UCN: variants seen among roughly 807,000 people sequenced by gnomAD.
UCN encodes prepro-urocortin.
Under a neutral mutation model 6.5 loss-of-function variants are expected in UCN, and 5 were observed. That is an observed-to-expected ratio of 0.77 (90% CI 0.40 to 1.62). UCN has a LOEUF of 1.62. Among genes scored for constraint, UCN ranks in the 40% most tolerant of loss-of-function variants. The pLI is 0.02. For synonymous variants in UCN, 95 were observed against 96.4 expected, an observed-to-expected ratio of 0.99 and a Z score of 0.09; for missense variants, 195 against 188.8, an observed-to-expected ratio of 1.03 and a Z score of -0.19.
In UCN at chr2:27,307,550, G is replaced by C. The variant is rs1468111917; in HGVS notation, c.346C>G (p.Arg116Gly). Residue 116 changes from arginine to glycine, a missense_variant, in exon 2 of 2, where the codon CGC becomes GGC. Transcript: ENST00000296099. The surrounding 1 kb of genome is among the most constrained non-coding windows in gnomAD (Gnocchi z 6.9). ...QSQRERAEQN[R>G]IIFDSVGK ...TTGCCCACCGAGTCGAATATGATGC[G>C]GTTCTGCTCGGCGCGCTCCCGCTGG... The C allele has an allele frequency of 6.2e-7, 1 of 1,612,888 alleles. No homozygotes were observed. Among genetic ancestry groups the C allele is most frequent in the Non-Finnish European group, 8.5e-7 (1 of 1,179,942 alleles).
Position 27,308,046 on chromosome 2 carries a change from G to T in UCN, c.-14+114C>A. The T allele has an allele frequency of 1.3e-6, 1 of 778,518 alleles. No homozygotes were observed. Among genetic ancestry groups the T allele is most frequent in the Non-Finnish European group, 1.8e-6 (1 of 554,078 alleles). The allele number at this position is 778,518 out of a possible 1,614,324, so 48.2% of individuals were successfully genotyped here. A position where few individuals can be genotyped will look rare whatever the true frequency, so the allele number is the denominator to read the frequency against. Reference sequence around the variant, plus strand: ...CCTGCCCTCCAGCCCCAGCCACTGCGCCAGTGCTGTTCCATCCCTTCCACC... The same window carrying T: ...CCTGCCCTCCAGCCCCAGCCACTGCTCCAGTGCTGTTCCATCCCTTCCACC... On this transcript the variant is annotated intron_variant, in intron 1 of 1. Transcript: ENST00000296099. The surrounding 1 kb of genome is among the most constrained non-coding windows in gnomAD (Gnocchi z 4.2).
chr2:27,307,561 G>C lies in UCN; in HGVS notation c.335C>G (p.Ala112Gly). ...GTCGAATATGATGCGGTTCTGCTCG[G>C]CGCGCTCCCGCTGGCTCTGCGTCCG... ...LARTQSQRER[A>G]EQNRIIFDSV... The change falls in exon 2 of 2, where the codon GCC (alanine) becomes GGC (glycine). Residue 112 changes from alanine (A) to glycine (G), a missense_variant. Physicochemically the swap from Ala to Gly is moderately conservative, Grantham distance 60 (BLOSUM62 0). Coordinates refer to ENST00000296099, the MANE Select transcript of UCN (RefSeq NM_003353.4). This position sits in a 1 kb window ranked among gnomAD's most constrained non-coding sequence, Gnocchi z 6.9. 1.2e-6 allele frequency: 2 copies of C among 1,612,762 alleles called. No homozygotes were observed. The highest frequency in any genetic ancestry group is 1.7e-6 in the Non-Finnish European group (2 of 1,179,870).
In UCN at chr2:27,308,092, G is replaced by A. The variant is rs1679293152; in HGVS notation, c.-14+68C>T. The stretch of plus-strand genomic sequence containing the variant: ...CCACCCAGCCTCCCTCCCCGGAGGA[G>A]CGTGGTGGCTGAGCTGAGCGGAGTC... On this transcript the variant is annotated intron_variant, in intron 1 of 1. Coordinates refer to ENST00000296099, the MANE Select transcript of UCN (RefSeq NM_003353.4). This position sits in a 1 kb window ranked among gnomAD's most constrained non-coding sequence, Gnocchi z 4.2. The A allele has an allele frequency of 1.9e-6, 1 of 522,520 alleles. No homozygotes were observed. The highest frequency in any genetic ancestry group is 2.0e-5 in the African/African-American group (1 of 49,350). 32.4% of individuals were successfully genotyped at this position (522,520 alleles called of 1,614,324 possible).
In UCN at chr2:27,307,614, G is replaced by A; in HGVS notation, c.282C>T (p.His94=). The A allele has an allele frequency of 6.2e-7, 1 of 1,612,646 alleles. No individual in the cohort carries two copies. The highest frequency in any genetic ancestry group is 8.5e-7 in the Non-Finnish European group (1 of 1,179,892). The change falls in exon 2 of 2, where the codon CAC becomes CAT. Residue 94 remains histidine (H), a synonymous_variant. Coordinates refer to ENST00000296099, the MANE Select transcript of UCN (RefSeq NM_003353.4). The surrounding 1 kb of genome is among the most constrained non-coding windows in gnomAD (Gnocchi z 6.9). ...CCAGCTCCAGCAGGGTCCGCAGCAG[G>A]TGAAAGGTGAGGTCAATGGACAGAG... ...NPSLSIDLTF[H]LLRTLLELAR...
chr2:27,308,442 C>A lies in UCN; in HGVS notation c.-296G>T, dbSNP rs959902549. 6.6e-6 allele frequency: 1 copy of A among 152,448 alleles called. No individual in the cohort carries two copies. The highest frequency in any genetic ancestry group is 1.5e-5 in the Non-Finnish European group (1 of 68,212). The allele number at this position is 152,448 out of a possible 1,614,324, so 9.4% of individuals were successfully genotyped here. On this transcript the variant is annotated 5_prime_UTR_variant, in exon 1 of 2. Coordinates refer to ENST00000296099, the MANE Select transcript of UCN (RefSeq NM_003353.4). The surrounding 1 kb of genome is among the most constrained non-coding windows in gnomAD (Gnocchi z 4.2). ...GGCTAGCGCTGGAAGCAGCACTGGA[C>A]GCAGGAAAGCGAGAAGCCGGCTGGG...
Position 27,307,983 on chromosome 2 carries a change from G to T in UCN, c.-13-75C>A. ...GGCCGCCGCTCCCCTCCCCGCGCTC[G>T]CCCGGCGACCCCTCCGGCCGCCGCC... is the stretch of plus-strand genomic sequence containing the variant. On this transcript the variant is annotated intron_variant, in intron 1 of 1. Coordinates refer to ENST00000296099, the MANE Select transcript of UCN (RefSeq NM_003353.4). This position sits in a 1 kb window ranked among gnomAD's most constrained non-coding sequence, Gnocchi z 6.9. 2 of 1,289,732 alleles carry T rather than the reference G, an allele frequency of 1.6e-6. No homozygotes were observed. The highest frequency in any genetic ancestry group is 3.1e-5 in the African/African-American group (2 of 63,920). The allele number at this position is 1,289,732 out of a possible 1,614,324, so 79.9% of individuals were successfully genotyped here. A position where few individuals can be genotyped will look rare whatever the true frequency, so the allele number is the denominator to read the frequency against.
Position 27,307,676 on chromosome 2 carries a change from C to G in UCN, c.220G>C (p.Gly74Arg). 6.3e-7 allele frequency: 1 copy of G among 1,599,908 alleles called. No homozygotes were observed. The highest frequency in any genetic ancestry group is 8.5e-7 in the Non-Finnish European group (1 of 1,174,262). The stretch of plus-strand genomic sequence containing the variant: ...CGCCGCGGCCGCTCGCCTGCCGTCC[C>G]GAGTCCCAATCGGCCGGGCCCCGCG... ...RRAGPGRLGL[G>R]TAGERPRRDN... Residue 74 changes from glycine to arginine, a missense_variant, in exon 2 of 2, where the codon GGG becomes CGG. Gly to Arg is a moderately radical substitution (Grantham distance 125). Transcript: ENST00000296099. The surrounding 1 kb of genome is among the most constrained non-coding windows in gnomAD (Gnocchi z 6.9).
At position 27,307,544 on chromosome 2, in the gene UCN, T is replaced by G; in HGVS notation, c.352A>C (p.Ile118Leu). Residue 118 changes from isoleucine to leucine, a missense_variant, in exon 2 of 2, where the codon ATA becomes CTA. By Grantham distance (5) the Ile-to-Leu change is conservative (BLOSUM62 2). Transcript: ENST00000296099. This position sits in a 1 kb window ranked among gnomAD's most constrained non-coding sequence, Gnocchi z 6.9. ...QRERAEQNRIIFDSVGK is the reference protein window; with the variant it reads ...QRERAEQNRILFDSVGK ...CATCACTTGCCCACCGAGTCGAATA[T>G]GATGCGGTTCTGCTCGGCGCGCTCC... is the stretch of plus-strand genomic sequence containing the variant. 6.2e-7 allele frequency: 1 copy of G among 1,612,904 alleles called. No individual in the cohort carries two copies. Among genetic ancestry groups the G allele is most frequent in the Non-Finnish European group, 8.5e-7 (1 of 1,179,886 alleles).
rs749616787 is a variant in UCN, at chr2:27,307,669, G to A, written c.227C>T (p.Ala76Val). ...AGPGRLGLGT[A>V]GERPRRDNPS... Reference sequence around the variant, plus strand: ...GTTGTCCCGCCGCGGCCGCTCGCCTGCCGTCCCGAGTCCCAATCGGCCGGG... The same window carrying A: ...GTTGTCCCGCCGCGGCCGCTCGCCTACCGTCCCGAGTCCCAATCGGCCGGG... Residue 76 changes from alanine to valine, a missense_variant, in exon 2 of 2, where the codon GCA (alanine) becomes GTA (valine). Physicochemically the swap from Ala to Val is moderately conservative, Grantham distance 64. Coordinates refer to ENST00000296099, the MANE Select transcript of UCN (RefSeq NM_003353.4). This position sits in a 1 kb window ranked among gnomAD's most constrained non-coding sequence, Gnocchi z 6.9. 4 of 1,602,346 alleles carry A rather than the reference G, an allele frequency of 2.5e-6. No individual in the cohort carries two copies. Among genetic ancestry groups the A allele is most frequent in the Non-Finnish European group, 3.4e-6 (4 of 1,175,362 alleles).
At position 27,307,863 on chromosome 2, in the gene UCN, G is replaced by C; in HGVS notation, c.33C>G (p.Ala11=). 6.7e-7 allele frequency: 1 copy of C among 1,490,180 alleles called. No homozygotes were observed. The highest frequency in any genetic ancestry group is 1.3e-5 in the South Asian group (1 of 79,454). 92.3% of individuals were successfully genotyped at this position (1,490,180 alleles called of 1,614,324 possible). A position where few individuals can be genotyped will look rare whatever the true frequency, so the allele number is the denominator to read the frequency against. Reference sequence around the variant, plus strand: ...ACAGCTGTACCAGGAGCAGCAGCGCGGCCAGCAGCGCTGCGCGTCCCGCCT... The same window carrying C: ...ACAGCTGTACCAGGAGCAGCAGCGCCGCCAGCAGCGCTGCGCGTCCCGCCT... MRQAGRAALL[A]ALLLLVQLCP... Residue 11 remains alanine, a synonymous_variant, in exon 2 of 2, where the codon GCC becomes GCG. Coordinates refer to ENST00000296099, the MANE Select transcript of UCN (RefSeq NM_003353.4). This position sits in a 1 kb window ranked among gnomAD's most constrained non-coding sequence, Gnocchi z 6.9.
In UCN at chr2:27,307,508, C is replaced by G. The variant is rs755909115; in HGVS notation, c.*13G>C. Reference sequence around the variant, plus strand: ...GAAAGGGGTCAACGTTTTCGCAGCCCCAAACCGGGCCATCACTTGCCCACC... The same window carrying G: ...GAAAGGGGTCAACGTTTTCGCAGCCGCAAACCGGGCCATCACTTGCCCACC... On this transcript the variant is annotated 3_prime_UTR_variant, in exon 2 of 2. Coordinates refer to ENST00000296099, the MANE Select transcript of UCN (RefSeq NM_003353.4). The surrounding 1 kb of genome is among the most constrained non-coding windows in gnomAD (Gnocchi z 6.9). 12 of 1,612,616 alleles carry G rather than the reference C, an allele frequency of 7.4e-6. No individual in the cohort carries two copies. Among genetic ancestry groups the G allele is most frequent in the Non-Finnish European group, 1.0e-5 (12 of 1,179,898 alleles).
Position 27,307,994 on chromosome 2 carries a change from C to A in UCN, c.-13-86G>T. The stretch of plus-strand genomic sequence containing the variant: ...CCCTCCCCGCGCTCGCCCGGCGACC[C>A]CTCCGGCCGCCGCCCAATGCCCGCA... On this transcript the variant is annotated intron_variant, in intron 1 of 1. Coordinates refer to ENST00000296099, the MANE Select transcript of UCN (RefSeq NM_003353.4). The surrounding 1 kb of genome is among the most constrained non-coding windows in gnomAD (Gnocchi z 6.9). 1 of 1,242,072 alleles carries A rather than the reference C, an allele frequency of 8.1e-7. No individual in the cohort carries two copies. The highest frequency in any genetic ancestry group is 1.0e-6 in the Non-Finnish European group (1 of 975,056). 76.9% of individuals were successfully genotyped at this position (1,242,072 alleles called of 1,614,324 possible).
In UCN at chr2:27,307,887, C is replaced by G. The variant is rs1679285302; in HGVS notation, c.9G>C (p.Gln3His). Residue 3 changes from glutamine (Q) to histidine (H), a missense_variant, in exon 2 of 2, where the codon CAG becomes CAC. Coordinates refer to ENST00000296099, the MANE Select transcript of UCN (RefSeq NM_003353.4). This position sits in a 1 kb window ranked among gnomAD's most constrained non-coding sequence, Gnocchi z 6.9. MRQAGRAALLAAL... is the reference protein window; with the variant it reads MRHAGRAALLAAL... ...CGGCCAGCAGCGCTGCGCGTCCCGC[C>G]TGCCTCATGGTGCCGCCGGCCCTGG... The G allele has an allele frequency of 6.8e-7, 1 of 1,475,458 alleles. No homozygotes were observed. Among genetic ancestry groups the G allele is most frequent in the Non-Finnish European group, 8.9e-7 (1 of 1,121,288 alleles). 91.4% of individuals were successfully genotyped at this position (1,475,458 alleles called of 1,614,324 possible). A position where few individuals can be genotyped will look rare whatever the true frequency, so the allele number is the denominator to read the frequency against.
At position 27,307,837 on chromosome 2, in the gene UCN, C is replaced by T. The variant is rs1018939931; in HGVS notation, c.59G>A (p.Cys20Tyr). 5.3e-6 allele frequency: 8 copies of T among 1,500,710 alleles called. No homozygotes were observed. The East Asian group carries it at 1.9e-4, about 36-fold the overall frequency. 93.0% of individuals were successfully genotyped at this position (1,500,710 alleles called of 1,614,324 possible). Residue 20 changes from cysteine to tyrosine, a missense_variant, in exon 2 of 2, where the codon TGC (cysteine) becomes TAC (tyrosine). By Grantham distance (194) the Cys-to-Tyr change is radical. Transcript: ENST00000296099. This position sits in a 1 kb window ranked among gnomAD's most constrained non-coding sequence, Gnocchi z 6.9. ...GGGGCTCCTCTGGCTGCTCCCAGGG[C>T]ACAGCTGTACCAGGAGCAGCAGCGC... is the stretch of plus-strand genomic sequence containing the variant. ...LAALLLLVQL[C>Y]PGSSQRSPEA... is the part of the protein sequence containing the mutation.
chr2:27,307,944 C>A lies in UCN; in HGVS notation c.-13-36G>T. The A allele has an allele frequency of 7.4e-7, 1 of 1,342,870 alleles. No homozygotes were observed. The highest frequency in any genetic ancestry group is 9.5e-7 in the Non-Finnish European group (1 of 1,052,410). The allele number at this position is 1,342,870 out of a possible 1,614,324, so 83.2% of individuals were successfully genotyped here. A position where few individuals can be genotyped will look rare whatever the true frequency, so the allele number is the denominator to read the frequency against. The stretch of plus-strand genomic sequence containing the variant: ...AGGGGCAGCGCAGGGTGAGGTGCGC[C>A]TGGGACAGCTGCAGGCCGCCGCTCC... On this transcript the variant is annotated intron_variant, in intron 1 of 1. Transcript: ENST00000296099. The surrounding 1 kb of genome is among the most constrained non-coding windows in gnomAD (Gnocchi z 6.9).
In UCN at chr2:27,308,025, C is replaced by T; in HGVS notation, c.-13-117G>A. 4 of 957,246 alleles carry T rather than the reference C, an allele frequency of 4.2e-6. No individual in the cohort carries two copies. Among genetic ancestry groups the T allele is most frequent in the Admixed American group, 4.4e-5 (1 of 22,946 alleles). 59.3% of individuals were successfully genotyped at this position (957,246 alleles called of 1,614,324 possible). A position where few individuals can be genotyped will look rare whatever the true frequency, so the allele number is the denominator to read the frequency against. On this transcript the variant is annotated intron_variant, in intron 1 of 1. Transcript: ENST00000296099. This position sits in a 1 kb window ranked among gnomAD's most constrained non-coding sequence, Gnocchi z 4.2. ...GCCGCCGCCCAATGCCCGCAGCCTG[C>T]CCTCCAGCCCCAGCCACTGCGCCAG... is the stretch of plus-strand genomic sequence containing the variant.
Position 27,307,808 on chromosome 2 carries a change from C to T in UCN, c.88G>A (p.Ala30Thr). 1 of 1,506,846 alleles carries T rather than the reference C, an allele frequency of 6.6e-7. No individual in the cohort carries two copies. Among genetic ancestry groups the T allele is most frequent in the East Asian group, 2.7e-5 (1 of 36,392 alleles). The allele number at this position is 1,506,846 out of a possible 1,614,324, so 93.3% of individuals were successfully genotyped here. ...AGACTCGGGTCCTGGACCCCGGCCG[C>T]CTCGGGGCTCCTCTGGCTGCTCCCA... ...CPGSSQRSPE[A>T]AGVQDPSLRW... The change falls in exon 2 of 2, where the codon GCG (alanine) becomes ACG (threonine). Residue 30 changes from alanine to threonine, a missense_variant. Transcript: ENST00000296099. The surrounding 1 kb of genome is among the most constrained non-coding windows in gnomAD (Gnocchi z 6.9).
Position 27,308,085 on chromosome 2 carries a change from C to T in UCN, c.-14+75G>A, listed in dbSNP as rs1679292826. ...ATCCCTTCCACCCAGCCTCCCTCCC[C>T]GGAGGAGCGTGGTGGCTGAGCTGAG... On this transcript the variant is annotated intron_variant, in intron 1 of 1. Transcript: ENST00000296099. This position sits in a 1 kb window ranked among gnomAD's most constrained non-coding sequence, Gnocchi z 4.2. The T allele has an allele frequency of 3.6e-6, 2 of 550,336 alleles. No homozygotes were observed. Among genetic ancestry groups the T allele is most frequent in the Non-Finnish European group, 5.6e-6 (2 of 355,470 alleles). 34.1% of individuals were successfully genotyped at this position (550,336 alleles called of 1,614,324 possible). A position where few individuals can be genotyped will look rare whatever the true frequency, so the allele number is the denominator to read the frequency against.
Position 27,307,632 on chromosome 2 carries a change from G to A in UCN, c.264C>T (p.Ser88=), listed in dbSNP as rs1679269058. 1.2e-6 allele frequency: 2 copies of A among 1,611,792 alleles called. No homozygotes were observed. The highest frequency in any genetic ancestry group is 1.7e-6 in the Non-Finnish European group (2 of 1,179,674). ...ERPRRDNPSL[S]IDLTFHLLRT... ...GCAGCAGGTGAAAGGTGAGGTCAAT[G>A]GACAGAGAAGGGTTGTCCCGCCGCG... Residue 88 remains serine, a synonymous_variant, in exon 2 of 2, where the codon TCC becomes TCT. Coordinates refer to ENST00000296099, the MANE Select transcript of UCN (RefSeq NM_003353.4). The surrounding 1 kb of genome is among the most constrained non-coding windows in gnomAD (Gnocchi z 6.9).
Sources: allele counts gnomAD v4.1 joint callset, GRCh38; gene constraint gnomAD v4.1.1; non-coding constraint Gnocchi (gnomAD v3.1); transcripts MANE v1.5; gene names NCBI Gene and HGNC (gene_info 2026-07-23, HGNC 2026-07-21).